The following KCTD10 variants were observed in gnomAD, a reference collection of about 807,000 sequenced individuals.
KCTD10 encodes the protein BTB/POZ domain-containing adapter for CUL3-mediated RhoA degradation protein 3.
Under a neutral mutation model 34.6 loss-of-function variants are expected in KCTD10, and 13 were observed. The observed-to-expected ratio is 0.38, with a 90% CI of 0.24 to 0.60. The LOEUF is 0.60. Ranked by LOEUF, KCTD10 falls within the 20% of genes least tolerant of loss-of-function variation. The pLI is 0.66. For synonymous variants in KCTD10, 156 were observed against 168.8 expected (o/e 0.92, Z 0.59); for missense variants, 256 against 420.3 (o/e 0.61, Z 3.42).
At position 109,454,163 on chromosome 12, in the gene KCTD10, C is replaced by T. The variant is rs553471459; in HGVS notation, c.723+1955G>A. 1.7e-4 allele frequency among the ~76,000 whole-genome samples: 26 copies of T among 152,342 alleles called. 1 individual carries two copies. The highest frequency in any genetic ancestry group is 3.9e-4 in the Admixed American group (6 of 15,304). On this transcript the variant is annotated intron_variant, in intron 6 of 6. Transcript: ENST00000228495. ...TACACAAGAACCAAGAAATTCTCAA[C>T]TCCTGTGGGAAATAACTCACAGATG...
At chr12:109,465,663 GAGCCTGGTGGCAC>G (rs1385870770) in intron 2 of KCTD10, among the ~76,000 whole-genome samples, 1 of 152,236 alleles carries the variant, frequency 6.6e-6, no homozygotes, top group Admixed American at 6.5e-5. Context: ...TGCCTGGGCT[GAGCCTGGTGGCAC>G]AGGTGAGTTT....
rs1247967392 is a variant in KCTD10 at position 109,450,961 on chromosome 12, C to T, written c.*634G>A. The T allele has an allele frequency of 2.6e-5, 4 of 152,578 alleles. No homozygotes were observed. The highest frequency in any genetic ancestry group is 2.6e-4 in the Admixed American group (4 of 15,286). 9.5% of individuals were successfully genotyped at this position (152,578 alleles called of 1,614,324 possible). ...CTTGCACCCAAAGTTGCACTGGTCT[C>T]AACGATTTAGACGCTCATTCAGCCA... On this transcript the variant is annotated 3_prime_UTR_variant, in exon 7 of 7. Coordinates refer to ENST00000228495, the MANE Select transcript of KCTD10 (RefSeq NM_031954.5).
chr12:109,454,451 G>A (rs962554530), intron 6 of KCTD10, among the ~76,000 whole-genome samples: 5 of 152,184 alleles, frequency 3.3e-5, no homozygotes, highest in African/African-American at 1.2e-4. Context: ...GATATGGGCT[G>A]GGTGCAGTGG....
At position 109,450,752 on chromosome 12, in the gene KCTD10, G is replaced by A; in HGVS notation, c.*843C>T. The A allele has an allele frequency of 5.8e-6, 1 of 171,758 alleles. No individual in the cohort carries two copies. The highest frequency in any genetic ancestry group is 1.2e-5 in the Non-Finnish European group (1 of 81,118). 10.6% of individuals were successfully genotyped at this position (171,758 alleles called of 1,614,324 possible). On this transcript the variant is annotated 3_prime_UTR_variant, in exon 7 of 7. Coordinates refer to ENST00000228495, the MANE Select transcript of KCTD10 (RefSeq NM_031954.5). ...TGTCACAGGGTCAGATGGCCTTCCT[G>A]GAGTGGAGTCGGGTCAATCAGGAGA...
intron 2 of KCTD10, among the ~76,000 whole-genome samples, chr12:109,463,161 G>A (rs1013978922): frequency 2.0e-5 from 3 of 152,196 alleles, no homozygotes; most frequent in Admixed American, 2.0e-4. Context: ...CGCAGGGAAG[G>A]AACCTTCCAC....
chr12:109,458,511 G>T (rs12819142), intron 3 of KCTD10: 19,604 of 156,122 alleles, frequency 0.13, 1,522 homozygotes, highest in Non-Finnish European at 0.17. Flanking sequence ...TCAAAAATTT[G>T]AGGGTAGAAA....
At chr12:109,466,531 G>A (rs1873596539) in intron 2 of KCTD10, among the ~76,000 whole-genome samples, 1 of 152,216 alleles carries the variant, frequency 6.6e-6, no homozygotes, top group Admixed American at 6.5e-5. Context: ...GGCTGTGACT[G>A]TGACATGCAG....
At chr12:109,461,773 ATGAGAGGG>A (rs528522963) in intron 2 of KCTD10, among the ~76,000 whole-genome samples, 205 of 152,350 alleles carry the variant, frequency 1.3e-3, no homozygotes, top group African/African-American at 4.8e-3. Context: ...AGCCAGACAG[ATGAGAGGG>A]TGAAGTCGAG....
At chr12:109,457,539 C>G (rs2135647945) in intron 5 of KCTD10, 91 bp downstream of exon 5, 1 of 1,080,098 alleles carries the variant, frequency 9.3e-7, no homozygotes, top group Middle Eastern at 2.1e-4. Flanking sequence ...GGGTCATCCT[C>G]ATCTGAAGGT....
chr12:109,449,702 G>C lies in KCTD10; in HGVS notation c.*1893C>G, dbSNP rs1376833992. On this transcript the variant is annotated 3_prime_UTR_variant, in exon 7 of 7. Coordinates refer to ENST00000228495, the MANE Select transcript of KCTD10 (RefSeq NM_031954.5). The stretch of plus-strand genomic sequence containing the variant: ...GATGGTGCCACTACACTCCAGCCTG[G>C]CCAATAGAGCAAGACTCCGCCTCAA... The C allele has an allele frequency of 1.3e-5, 2 of 152,102 alleles. No individual in the cohort carries two copies. The highest frequency in any genetic ancestry group is 2.9e-5 in the Non-Finnish European group (2 of 68,014). The allele number at this position is 152,102 out of a possible 1,614,324, so 9.4% of individuals were successfully genotyped here. A position where few individuals can be genotyped will look rare whatever the true frequency, so the allele number is the denominator to read the frequency against.
chr12:109,467,239 C>G (rs6606723), intron 2 of KCTD10, among the ~76,000 whole-genome samples: 25,795 of 152,242 alleles, frequency 0.17, 2,246 homozygotes, highest in African/African-American at 0.18. Flanking sequence ...TTTGAAAAAG[C>G]ATTTCACCTC....
intron 1 of KCTD10, among the ~76,000 whole-genome samples, chr12:109,474,803 T>A (rs1874071502): frequency 6.6e-6 from 1 of 151,882 alleles, no homozygotes; most frequent in Admixed American, 6.6e-5. Context: ...AGGGGGAAAA[T>A]CATCGACTGA....
Position 109,466,739 on chromosome 12 carries a change from T to C in KCTD10, c.217+2776A>G, listed in dbSNP as rs72649519. ...CTTGGGCAACATGACACATCCCCTG[T>C]TCAGGACCTTCAAAGCCCCTGTCCT... On this transcript the variant is annotated intron_variant, in intron 2 of 6. Transcript: ENST00000228495. Among the ~76,000 whole-genome samples the C allele has an allele frequency of 4.5e-3, 684 of 152,368 alleles. 5 individuals carry two copies. Among genetic ancestry groups the C allele is most frequent in the Middle Eastern group, 6.8e-3 (2 of 294 alleles).
chr12:109,458,310 A>G (rs544087496), intron 3 of KCTD10: 1 of 487,664 alleles, frequency 2.1e-6, no homozygotes, highest in African/African-American at 1.9e-5. Context: ...AAGTACTAAC[A>G]ATGATGACAC....
At chr12:109,469,239 C>T (rs1472653097) in intron 2 of KCTD10, 2 of 387,540 alleles carry the variant, frequency 5.2e-6, no homozygotes, top group Non-Finnish European at 9.4e-6. Context: ...CTTGGGAGGA[C>T]AAGGGTCCAG....
chr12:109,457,841 G>A (rs1873105196), intron 4 of KCTD10, 151 bp downstream of exon 4: 3 of 984,232 alleles, frequency 3.0e-6, no homozygotes, highest in Non-Finnish European at 4.8e-6. Context: ...CAATAGCAGG[G>A]GCACAAAAGA....
chr12:109,450,166 GA>G lies in KCTD10; in HGVS notation c.*1428del, dbSNP rs1872695594. 2.5e-6 allele frequency: 1 copy of G among 398,182 alleles called. No individual in the cohort carries two copies. The highest frequency in any genetic ancestry group is 4.4e-5 in the Admixed American group (1 of 22,712). 24.7% of individuals were successfully genotyped at this position (398,182 alleles called of 1,614,324 possible). On this transcript the variant is annotated 3_prime_UTR_variant, in exon 7 of 7. Transcript: ENST00000228495. Reference sequence around the variant, plus strand: ...GGTATAAAACGGTAACGATTCCCTTGACAAACCCATCCATCACCTGACGCAC... The same window carrying G: ...GGTATAAAACGGTAACGATTCCCTTGCAAACCCATCCATCACCTGACGCAC...
chr12:109,467,349 G>A (rs2135672875), intron 2 of KCTD10, among the ~76,000 whole-genome samples: 1 of 152,366 alleles, frequency 6.6e-6, no homozygotes, highest in East Asian at 1.9e-4. Flanking sequence ...GCTGTGCGTG[G>A]TGGCTCACGC....
intron 6 of KCTD10, among the ~76,000 whole-genome samples, chr12:109,454,834 T>G (rs1449132357): frequency 6.6e-6 from 1 of 152,234 alleles, no homozygotes; most frequent in African/African-American, 2.4e-5. Flanking sequence ...TCTGCTAATC[T>G]AGAAACAGTT....
Sources: gnomAD v4.1 joint callset for allele counts (sites outside exome capture counted in the v4.1 genomes callset) on GRCh38, gnomAD v4.1.1 for gene constraint, MANE v1.5 for transcripts, NCBI Gene and HGNC (gene_info 2026-07-23, HGNC 2026-07-21) for gene names.